Variants in WWOX observed in about 807,000 individuals in gnomAD.
WWOX encodes the protein WW domain-containing oxidoreductase.
WWOX carries 69 observed loss-of-function variants against 46.2 expected under a neutral mutation model. The observed-to-expected ratio is 1.49, with a 90% CI of 1.23 to 1.82. The LOEUF (loss-of-function observed/expected upper bound fraction) is 1.82. WWOX is among the 40% of genes most tolerant of loss of function. WWOX has a pLI of 0.00. For missense variants in WWOX, 919 were observed against 542.6 expected, an observed-to-expected ratio of 1.69 and a Z score of -6.89; for synonymous variants, 359 against 202.6, an observed-to-expected ratio of 1.77 and a Z score of -6.56.
At chr16:79,172,112 G>T (rs965265443) in intron 8 of WWOX, among the ~76,000 whole-genome samples, 1 of 152,154 alleles carries the variant, frequency 6.6e-6, no homozygotes, top group Non-Finnish European at 1.5e-5. Context: ...GTAGCAGGTG[G>T]AGGCCAGGAA....
intron 8 of WWOX, among the ~76,000 whole-genome samples, chr16:78,642,000 A>G (rs916370966): frequency 2.6e-5 from 4 of 152,114 alleles, no homozygotes; most frequent in Non-Finnish European, 4.4e-5. Context: ...AAATGCAAAG[A>G]GGGGGAAAAA....
At chr16:78,382,365 G>A (rs572784805) in intron 5 of WWOX, among the ~76,000 whole-genome samples, 1 of 152,328 alleles carries the variant, frequency 6.6e-6, no homozygotes, top group South Asian at 2.1e-4. Flanking sequence ...GTAGAGGCTG[G>A]CAGTGTTACA....
chr16:78,127,193 C>T (rs1283423123), intron 4 of WWOX, among the ~76,000 whole-genome samples: 1 of 152,106 alleles, frequency 6.6e-6, no homozygotes, highest in African/African-American at 2.4e-5. Flanking sequence ...GACAGTACTC[C>T]TACTTTGCAA....
intron 8 of WWOX, among the ~76,000 whole-genome samples, chr16:78,887,735 A>G (rs1597108650): frequency 6.6e-6 from 1 of 152,288 alleles, no homozygotes; most frequent in East Asian, 1.9e-4. Context: ...ACAAAAGAAG[A>G]TTTCCAAATC....
chr16:78,841,495 T>C (rs958100719), intron 8 of WWOX, among the ~76,000 whole-genome samples: 1 of 152,230 alleles, frequency 6.6e-6, no homozygotes, highest in Non-Finnish European at 1.5e-5. Context: ...TGGCAAATGC[T>C]ACTAATAAGG....
At chr16:78,847,104 A>G (rs561314139) in intron 8 of WWOX, among the ~76,000 whole-genome samples, 3 of 152,238 alleles carry the variant, frequency 2.0e-5, no homozygotes, top group South Asian at 4.1e-4. Flanking sequence ...TTACACTGTC[A>G]TCTTGGACTT....
At position 78,215,225 on chromosome 16, in the gene WWOX, G is replaced by A. The variant is rs371272021; in HGVS notation, c.516+50936G>A. On this transcript the variant is annotated intron_variant, in intron 5 of 8. Coordinates refer to ENST00000566780, the MANE Select transcript of WWOX (RefSeq NM_016373.4). Reference sequence around the variant, plus strand: ...GCTATGTATCAGGTGTTGTGCTCACGTGGTGTTTTATGCACAGTGTTTCCT... The same window carrying A: ...GCTATGTATCAGGTGTTGTGCTCACATGGTGTTTTATGCACAGTGTTTCCT... Among the ~76,000 whole-genome samples the A allele has an allele frequency of 2.6e-5, 4 of 152,154 alleles. No homozygotes were observed. The South Asian group carries it at 6.2e-4, about 24-fold the overall frequency.
intron 8 of WWOX, among the ~76,000 whole-genome samples, chr16:78,742,857 A>G (rs1314095802): frequency 6.6e-6 from 1 of 152,220 alleles, no homozygotes; most frequent in Non-Finnish European, 1.5e-5. Flanking sequence ...TCTCATGGTC[A>G]GAGCCGGGGG....
chr16:78,314,334 A>G (rs1597470967), intron 5 of WWOX, among the ~76,000 whole-genome samples: 1 of 149,074 alleles, frequency 6.7e-6, no homozygotes, highest in Admixed American at 6.7e-5. Flanking sequence ...TGAACCCAGG[A>G]CGCAGAGGTT....
intron 8 of WWOX, chr16:78,896,515 A>G (rs2044703974): frequency 6.6e-6 from 1 of 152,180 alleles, no homozygotes; most frequent in Non-Finnish European, 1.5e-5. Flanking sequence ...GCTGATCATT[A>G]ACTTGCATAA....
intron 8 of WWOX, among the ~76,000 whole-genome samples, chr16:79,031,191 C>CT (rs1185998963): frequency 6.6e-6 from 1 of 152,104 alleles, no homozygotes; most frequent in Non-Finnish European, 1.5e-5. Flanking sequence ...CCTTCGCCCC[C>CT]TTCTTGAGGG....
chr16:78,393,182 G>T (rs1213526930), intron 6 of WWOX, among the ~76,000 whole-genome samples: 1 of 152,120 alleles, frequency 6.6e-6, no homozygotes, highest in East Asian at 1.9e-4. Flanking sequence ...TAATCACTCA[G>T]ACCAAATATT....
At chr16:78,813,737 C>G (rs770588761) in intron 8 of WWOX, among the ~76,000 whole-genome samples, 1 of 152,094 alleles carries the variant, frequency 6.6e-6, no homozygotes, top group Non-Finnish European at 1.5e-5. Flanking sequence ...TTCTCTTTGT[C>G]GCCGTTAATT....
At chr16:79,193,509 C>T (rs1229050342) in intron 8 of WWOX, among the ~76,000 whole-genome samples, 1 of 152,240 alleles carries the variant, frequency 6.6e-6, no homozygotes, top group Non-Finnish European at 1.5e-5. Flanking sequence ...CTCCCTTCTT[C>T]AGGGAGACCT....
At chr16:78,802,476 A>G (rs75896968) in intron 8 of WWOX, among the ~76,000 whole-genome samples, 2,483 of 152,252 alleles carry the variant, frequency 0.016, 37 homozygotes, top group Non-Finnish European at 0.025. Flanking sequence ...ATTAATCTGG[A>G]ATTTTATGAA....
chr16:78,997,897 A>G (rs951205316), intron 8 of WWOX, among the ~76,000 whole-genome samples: 3 of 151,666 alleles, frequency 2.0e-5, no homozygotes, highest in East Asian at 3.9e-4. Flanking sequence ...TTTTTTTTAG[A>G]CAGAGTTTCA....
intron 8 of WWOX, among the ~76,000 whole-genome samples, chr16:78,596,477 C>T (rs946804469): frequency 2.7e-5 from 4 of 149,928 alleles, no homozygotes; most frequent in Non-Finnish European, 6.0e-5. Context: ...CCCAGCAGGG[C>T]GTATCAGGGG....
chr16:78,955,564 C>G (rs17709129), intron 8 of WWOX, among the ~76,000 whole-genome samples: 43,503 of 152,128 alleles, frequency 0.29, 7,792 homozygotes, highest in Non-Finnish European at 0.4. Context: ...ACCAGCAAAT[C>G]ATTCATATTT....
At chr16:78,956,628 C>CAT (rs768454100) in intron 8 of WWOX, among the ~76,000 whole-genome samples, 51 of 152,054 alleles carry the variant, frequency 3.4e-4, no homozygotes, top group Non-Finnish European at 6.3e-4. Context: ...CATATCATAT[C>CAT]ATATCATACC....
Sources: gnomAD v4.1 joint callset for allele counts (sites outside exome capture counted in the v4.1 genomes callset) on GRCh38, gnomAD v4.1.1 for gene constraint, MANE v1.5 for transcripts, NCBI Gene and HGNC (gene_info 2026-07-23, HGNC 2026-07-21) for gene names.